The following ROBO2 variants were observed in gnomAD, a reference collection of about 807,000 sequenced individuals.
ROBO2 encodes the protein roundabout guidance receptor 2.
A neutral mutation model predicts 160.8 loss-of-function variants in ROBO2; 53 were observed. The observed-to-expected ratio is 0.33, with a 90% CI of 0.26 to 0.41. ROBO2 has a LOEUF of 0.41. Among genes scored for constraint, ROBO2 ranks in the 10% least tolerant of loss-of-function variants. The pLI, the probability that ROBO2 is intolerant of heterozygous loss-of-function variation, is 1.00. For synonymous variants in ROBO2, 664 were observed against 611.7 expected, an observed-to-expected ratio of 1.09 and a Z score of -1.26; for missense variants, 1,577 against 1,722.4, an observed-to-expected ratio of 0.92 and a Z score of 1.49.
intron 2 of ROBO2, chr3:76,434,707 G>A: frequency 9.3e-7 from 1 of 1,080,020 alleles, no homozygotes. Flanking sequence ...CACCAGGCAG[G>A]CCCCCCTCCT....
intron 2 of ROBO2, among the ~76,000 whole-genome samples, chr3:75,976,142 A>G (rs1008661057): frequency 2.0e-5 from 3 of 151,614 alleles, no homozygotes; most frequent in African/African-American, 7.3e-5. Flanking sequence ...CACAAGTTAT[A>G]AAACTTAATT....
chr3:77,305,854 G>A (rs2063053863), intron 2 of ROBO2, among the ~76,000 whole-genome samples: 1 of 152,160 alleles, frequency 6.6e-6, no homozygotes, highest in African/African-American at 2.4e-5. Flanking sequence ...TCTAACATTT[G>A]AACAAGAGTG....
chr3:76,301,175 A>C (rs543909754), intron 2 of ROBO2, among the ~76,000 whole-genome samples: 1 of 152,272 alleles, frequency 6.6e-6, no homozygotes, highest in South Asian at 2.1e-4. Context: ...GGTGATAATG[A>C]ACCTAAAACT....
intron 1 of ROBO2, among the ~76,000 whole-genome samples, chr3:75,908,027 TA>T (rs1946426897): frequency 6.6e-6 from 1 of 152,092 alleles, no homozygotes; most frequent in African/African-American, 2.4e-5. Context: ...TCTGTTTTTT[TA>T]AAAAAATTCA....
rs556600216 is a variant in ROBO2, at chr3:76,452,740, G to A, written c.109+515138G>A. Among the ~76,000 whole-genome samples the A allele has an allele frequency of 3.6e-3, 550 of 152,326 alleles. 1 individual carries two copies. Among genetic ancestry groups the A allele is most frequent in the African/African-American group, 0.013 (534 of 41,562 alleles). On this transcript the variant is annotated intron_variant, in intron 2 of 26. Transcript: ENST00000487694. ...GTATTTCTAGTTCTAGATCCCTGAC[G>A]AATCGCCACACTGACTTCCACAATG...
In ROBO2 at chr3:77,578,812, A is replaced by G. The variant is rs562979276; in HGVS notation, c.2329-1135A>G. ...TGTGTGTGTTTTAATGAGGTTAGGA[A>G]TTTATTTTTGTACCATTTGGCACTA... On this transcript the variant is annotated intron_variant, in intron 15 of 25. Coordinates refer to ENST00000461745, the Ensembl canonical transcript of ROBO2. Among the ~76,000 whole-genome samples the G allele has an allele frequency of 3.3e-4, 50 of 152,132 alleles. 1 individual carries two copies. The highest frequency in any genetic ancestry group is 4.1e-4 in the Non-Finnish European group (28 of 67,934).
At chr3:77,471,394 A>T (rs1012294237) in intron 2 of ROBO2, among the ~76,000 whole-genome samples, 14 of 152,182 alleles carry the variant, frequency 9.2e-5, no homozygotes, top group Admixed American at 5.9e-4. Flanking sequence ...TCTGTTAGTT[A>T]CCTATTGCTT....
chr3:76,864,614 C>A (rs1051840343), intron 2 of ROBO2, among the ~76,000 whole-genome samples: 5 of 151,916 alleles, frequency 3.3e-5, no homozygotes, highest in Non-Finnish European at 7.4e-5. Flanking sequence ...TCTGTAGGTA[C>A]ATAAAGGTCT....
At chr3:76,164,376 A>T (rs2072748066) in intron 2 of ROBO2, among the ~76,000 whole-genome samples, 1 of 152,188 alleles carries the variant, frequency 6.6e-6, no homozygotes, top group Admixed American at 6.5e-5. Context: ...TAGAAAGGTG[A>T]ATTCTTTTCA....
At chr3:77,532,660 C>T (rs989827040) in intron 6 of ROBO2, among the ~76,000 whole-genome samples, 3 of 151,498 alleles carry the variant, frequency 2.0e-5, no homozygotes, top group East Asian at 1.9e-4. Flanking sequence ...GACAATATAC[C>T]GCGTCTCTAA....
intron 2 of ROBO2, among the ~76,000 whole-genome samples, chr3:75,956,495 A>C (rs1356171902): frequency 1.3e-5 from 2 of 151,746 alleles, no homozygotes; most frequent in East Asian, 3.9e-4. Flanking sequence ...GACTATCATT[A>C]CTTTACCATT....
intron 2 of ROBO2, among the ~76,000 whole-genome samples, chr3:77,429,723 T>C (rs2078582948): frequency 6.6e-6 from 1 of 151,908 alleles, no homozygotes; most frequent in Non-Finnish European, 1.5e-5. Context: ...TGATCTTCCC[T>C]GTGATCACAA....
intron 2 of ROBO2, among the ~76,000 whole-genome samples, chr3:76,226,224 A>C (rs2107444902): frequency 6.6e-6 from 1 of 152,344 alleles, no homozygotes; most frequent in East Asian, 1.9e-4. Context: ...AAGGCAAATA[A>C]GTGTCATAAC....
chr3:76,778,830 G>C (rs2108582397), intron 2 of ROBO2, among the ~76,000 whole-genome samples: 1 of 151,094 alleles, frequency 6.6e-6, no homozygotes, highest in South Asian at 2.1e-4. Flanking sequence ...AACTTCAGTG[G>C]TAACTCTTTG....
intron 2 of ROBO2, among the ~76,000 whole-genome samples, chr3:77,208,396 T>G (rs1172068840): frequency 6.6e-6 from 1 of 152,108 alleles, no homozygotes; most frequent in Non-Finnish European, 1.5e-5. Flanking sequence ...AATTTATGTT[T>G]TCTTTTGTTT....
chr3:76,674,321 A>G (rs1435381019), intron 2 of ROBO2, among the ~76,000 whole-genome samples: 1 of 152,046 alleles, frequency 6.6e-6, no homozygotes, highest in Non-Finnish European at 1.5e-5. Context: ...AGATGCTGAT[A>G]ATCTTGGAAC....
At chr3:76,248,794 C>A (rs1045206566) in intron 2 of ROBO2, among the ~76,000 whole-genome samples, 22 of 152,106 alleles carry the variant, frequency 1.4e-4, no homozygotes, top group African/African-American at 4.6e-4. Context: ...TTGTTTACTT[C>A]CCTCTCTAAA....
chr3:76,216,453 G>C (rs1238015413), intron 2 of ROBO2, among the ~76,000 whole-genome samples: 1 of 152,098 alleles, frequency 6.6e-6, no homozygotes, highest in East Asian at 1.9e-4. Context: ...CAAAATAAAG[G>C]GATGGAGGAA....
At chr3:77,100,328 T>C (rs2071736316) in intron 2 of ROBO2, among the ~76,000 whole-genome samples, 1 of 152,166 alleles carries the variant, frequency 6.6e-6, no homozygotes, top group Non-Finnish European at 1.5e-5. Flanking sequence ...CAACAGTTCA[T>C]TCCATTTGAG....
Sources: allele counts gnomAD v4.1 joint callset (sites outside exome capture counted in the v4.1 genomes callset), GRCh38; gene constraint gnomAD v4.1.1; transcripts MANE v1.5; gene names NCBI Gene and HGNC (gene_info 2026-07-23, HGNC 2026-07-21).